JAG2: variants seen among roughly 807,000 people sequenced by gnomAD.
JAG2 encodes jagged canonical Notch ligand 2.
JAG2 carries 46 observed loss-of-function variants against 141.7 expected under a neutral mutation model. The observed-to-expected ratio is 0.32, with a 90% CI of 0.26 to 0.42. JAG2 has a LOEUF of 0.42. JAG2 is among the 10% of genes least tolerant of loss of function. The pLI is 1.00. For synonymous variants in JAG2, 862 were observed against 763.5 expected, an observed-to-expected ratio of 1.13 and a Z score of -2.13; for missense variants, 1,500 against 1,817.5, an observed-to-expected ratio of 0.83 and a Z score of 3.18.
At position 105,160,975 on chromosome 14, in the gene JAG2, G is replaced by C. The variant is rs117847921; in HGVS notation, c.418-3212C>G. On this transcript the variant is annotated intron_variant, in intron 2 of 25. Transcript: ENST00000331782. ...ATGGCAGAGCCCACAAGAAGGCCCA[G>C]GGGCTGAGAACGCATAGCCCACGGG... Among the ~76,000 whole-genome samples the C allele has an allele frequency of 1.9e-3, 294 of 152,328 alleles. 9 individuals are homozygous for C. The East Asian group carries it at 0.047, about 24-fold the overall frequency.
At chr14:105,164,513 G>A (rs587688443) in intron 2 of JAG2, among the ~76,000 whole-genome samples, 2 of 152,322 alleles carry the variant, frequency 1.3e-5, no homozygotes, top group South Asian at 2.1e-4. Flanking sequence ...GGTAGGGTGG[G>A]GAGGCCAGGG....
At position 105,142,899 on chromosome 14, in the gene JAG2, G is replaced by A. The variant is rs776830367; in HGVS notation, c.3513C>T (p.His1171=). 59 of 1,601,858 alleles carry A rather than the reference G, an allele frequency of 3.7e-5. No individual in the cohort carries two copies. Among genetic ancestry groups the A allele is most frequent in the Middle Eastern group, 3.3e-4 (2 of 6,072 alleles). ...CCTCCTCATCCTCCCTGACGGCCGC[G>A]TGGCCGGCCGGCCCGGGCAGCGCCT... is the stretch of plus-strand genomic sequence containing the variant. ...ADEALPGPAG[H]AAVREDEEDE... The change falls in exon 26 of 26, where the codon CAC becomes CAT. Residue 1171 remains histidine, a synonymous_variant. Coordinates refer to ENST00000331782, the MANE Select transcript of JAG2 (RefSeq NM_002226.5).
intron 12 of JAG2, 68 bp from the exon 13 acceptor site, chr14:105,149,388 T>C: frequency 6.3e-7 from 1 of 1,598,316 alleles, no homozygotes; most frequent in Non-Finnish European, 8.6e-7. Flanking sequence ...GCCAGGCCTC[T>C]GTCCATACGA....
At chr14:105,165,671 G>C (rs942297782) in intron 2 of JAG2, among the ~76,000 whole-genome samples, 2 of 152,112 alleles carry the variant, frequency 1.3e-5, no homozygotes, top group Admixed American at 6.5e-5. Flanking sequence ...AGGTGGGAGA[G>C]TCACTCAGGG....
rs1020420221 is a variant in JAG2, at chr14:105,143,151, C to A, written c.3261G>T (p.Leu1087=). 1.3e-6 allele frequency: 2 copies of A among 1,598,524 alleles called. No individual in the cohort carries two copies. The highest frequency in any genetic ancestry group is 3.3e-5 in the Admixed American group (2 of 59,996). The change falls in exon 26 of 26, where the codon CTG becomes CTT. Residue 1087 remains leucine, a synonymous_variant. Coordinates refer to ENST00000331782, the MANE Select transcript of JAG2 (RefSeq NM_002226.5). ...GCCACAGCACGCTGAAGGCACCACA[C>A]AGCACAGGCACCAGCAGACCTGGGG... ...GSSTGLLVPV[L]CGAFSVLWLA...
At chr14:105,164,779 C>A (rs952166498) in intron 2 of JAG2, among the ~76,000 whole-genome samples, 8 of 152,134 alleles carry the variant, frequency 5.3e-5, no homozygotes, top group African/African-American at 1.2e-4. Context: ...AAGCAGAGCC[C>A]GAGCTGGGAG....
At position 105,142,761 on chromosome 14, in the gene JAG2, T is replaced by C. The variant is rs762816190; in HGVS notation, c.3651A>G (p.Ser1217=). Reference sequence around the variant, plus strand: ...CCGCGCGGTTGTCCACTTTGGGGCCTGAGGCCCAGTGGGCCGGCCTCCCCG... The same window carrying C: ...CCGCGCGGTTGTCCACTTTGGGGCCCGAGGCCCAGTGGGCCGGCCTCCCCG... ...RSPGRPAHWA[S]GPKVDNRAVR... The change falls in exon 26 of 26, where the codon TCA becomes TCG. Residue 1217 remains serine (S), a synonymous_variant. Coordinates refer to ENST00000331782, the MANE Select transcript of JAG2 (RefSeq NM_002226.5). The C allele has an allele frequency of 2.4e-5, 39 of 1,610,108 alleles. No homozygotes were observed. The East Asian group carries it at 8.3e-4, about 34-fold the overall frequency.
intron 24 of JAG2, among the ~76,000 whole-genome samples, chr14:105,144,610 A>G (rs920097464): frequency 6.6e-6 from 1 of 152,188 alleles, no homozygotes; most frequent in African/African-American, 2.4e-5. Flanking sequence ...CTCCCAGGGC[A>G]GACTAAGCCC....
rs587676564 is a variant in JAG2 at position 105,147,246 on chromosome 14, G to A, written c.2479+80C>T. On this transcript the variant is annotated intron_variant, in intron 20 of 25. Transcript: ENST00000331782. ...GTGGCCACACTGCCCTTCAAGGGAC[G>A]TGGACGTTGATGTCCCCAGACTCCT... The A allele has an allele frequency of 1.4e-4, 155 of 1,096,022 alleles. 4 individuals are homozygous for A. The highest frequency in any genetic ancestry group is 1.3e-3 in the African/African-American group (82 of 64,370). 67.9% of individuals were successfully genotyped at this position (1,096,022 alleles called of 1,614,324 possible). A position where few individuals can be genotyped will look rare whatever the true frequency, so the allele number is the denominator to read the frequency against.
In JAG2 at chr14:105,147,346, G is replaced by A. The variant is rs148440032; in HGVS notation, c.2459C>T (p.Ala820Val). 9.2e-4 allele frequency: 1,443 copies of A among 1,566,440 alleles called. 2 individuals carry two copies. The highest frequency in any genetic ancestry group is 9.9e-4 in the Non-Finnish European group (1,147 of 1,155,966). Residue 820 changes from alanine (A) to valine (V), a missense_variant, in exon 20 of 26, where the codon GCG (alanine) becomes GTG (valine). By Grantham distance (64) the Ala-to-Val change is moderately conservative. Around this residue, in one of 3 missense-constraint regions of JAG2, gnomAD observed 875 missense variants for 1,202.2 expected, o/e 0.73. Transcript: ENST00000331782. ...CTCACTGATGCGGCAGTCAGGCCCC[G>A]CGAAGCCAGGTGCACACTCGCAGCG... ...WFRCECAPGF[A>V]GPDCRINIDE...
chr14:105,155,194 G>A (rs938366020), intron 5 of JAG2, among the ~76,000 whole-genome samples: 1 of 151,694 alleles, frequency 6.6e-6, no homozygotes, highest in Non-Finnish European at 1.5e-5. Flanking sequence ...CTCGCCTGCT[G>A]GTGTCACTTG....
chr14:105,162,667 C>T (rs1888785614), intron 2 of JAG2, among the ~76,000 whole-genome samples: 1 of 147,102 alleles, frequency 6.8e-6, no homozygotes, highest in Non-Finnish European at 1.5e-5. Flanking sequence ...CCTTAAAGCC[C>T]AGGACACCTC....
At position 105,142,737 on chromosome 14, in the gene JAG2, C is replaced by T. The variant is rs370520594; in HGVS notation, c.3675G>A (p.Ala1225=). The change falls in exon 26 of 26, where the codon GCG becomes GCA. Residue 1225 remains alanine, a synonymous_variant. Transcript: ENST00000331782. ...AGCGGGCCTCATTGATGCTCCTGAC[C>T]GCGCGGTTGTCCACTTTGGGGCCTG... ...WASGPKVDNR[A]VRSINEARYA... is the part of the protein sequence containing the mutation. The T allele has an allele frequency of 6.2e-5, 100 of 1,608,670 alleles. 1 individual carries two copies. Among genetic ancestry groups the T allele is most frequent in the Non-Finnish European group, 7.5e-5 (88 of 1,178,220 alleles).
At chr14:105,145,697 C>T (rs1480684677) in intron 23 of JAG2, 34 bp downstream of exon 23, 5 of 1,570,916 alleles carry the variant, frequency 3.2e-6, no homozygotes, top group Non-Finnish European at 3.5e-6. Context: ...CGGCGTGTGG[C>T]CTCTGCAAGC....
At position 105,150,652 on chromosome 14, in the gene JAG2, G is replaced by A. The variant is rs1040138859; in HGVS notation, c.1554C>T (p.Asp518=). 24 of 1,549,688 alleles carry A rather than the reference G, an allele frequency of 1.5e-5. No individual in the cohort carries two copies. Among genetic ancestry groups the A allele is most frequent in the Middle Eastern group, 1.7e-4 (1 of 5,988 alleles). The change falls in exon 12 of 26, where the codon GAC becomes GAT. Residue 518 remains aspartate (D), a synonymous_variant. Transcript: ENST00000331782. ...CCTGGGGGCAGTGGCAGTGGAAGCC[G>A]TCGGCCAGGTCCTCGCAGAGGCCGC... ...HSGGLCEDLA[D]GFHCHCPQGF...
chr14:105,142,687 A>G lies in JAG2; in HGVS notation c.*8T>C. ...GGCCCTGGGTCCCGGCCCAGCTGGC[A>G]GCCGCCCCTACTCCTTGCCGGCGTA... On this transcript the variant is annotated 3_prime_UTR_variant, in exon 26 of 26. Coordinates refer to ENST00000331782, the MANE Select transcript of JAG2 (RefSeq NM_002226.5). 2 of 1,587,206 alleles carry G rather than the reference A, an allele frequency of 1.3e-6. No individual in the cohort carries two copies. Among genetic ancestry groups the G allele is most frequent in the Non-Finnish European group, 1.7e-6 (2 of 1,167,380 alleles).
At chr14:105,144,382 C>T (rs920210417) in intron 24 of JAG2, among the ~76,000 whole-genome samples, 3 of 152,112 alleles carry the variant, frequency 2.0e-5, no homozygotes, top group Admixed American at 1.3e-4. Context: ...CCTCAGGGCA[C>T]CAAAACACTG....
chr14:105,146,155 G>A (rs1186793743), intron 22 of JAG2, among the ~76,000 whole-genome samples, 182 bp from the exon 23 acceptor site: 3 of 152,166 alleles, frequency 2.0e-5, no homozygotes, highest in South Asian at 4.1e-4. Flanking sequence ...GGCCAAGCTC[G>A]ACATCAGAAA....
chr14:105,153,075 T>C (rs1888483475), intron 5 of JAG2, among the ~76,000 whole-genome samples: 1 of 148,588 alleles, frequency 6.7e-6, no homozygotes, highest in Non-Finnish European at 1.5e-5. Context: ...CAGGCTGCCA[T>C]CCAGGCCCTG....
Sources: gnomAD v4.1 joint callset for allele counts (sites outside exome capture counted in the v4.1 genomes callset) on GRCh38, gnomAD v4.1.1 for gene constraint, gnomAD v4.1.1 regional missense constraint, MANE v1.5 for transcripts, NCBI Gene and HGNC (gene_info 2026-07-23, HGNC 2026-07-21) for gene names.